The following NBAS variants were observed in gnomAD, a reference collection of about 807,000 sequenced individuals.
NBAS encodes NBAS subunit of NRZ tethering complex.
NBAS carries 219 observed loss-of-function variants against 302.5 expected under a neutral mutation model. The observed-to-expected ratio is 0.72, with a 90% CI of 0.65 to 0.81. The LOEUF (loss-of-function observed/expected upper bound fraction) is 0.81. Ranked by LOEUF, NBAS falls within the 30% of genes least tolerant of loss-of-function variation. NBAS has a pLI of 0.00. For synonymous variants in NBAS, 1,118 were observed against 1,021.6 expected (o/e 1.09, Z -1.80); for missense variants, 2,932 against 2,841.6 (o/e 1.03, Z -0.72).
chr2:14,867,267 C>T, the NBAS span, among the ~76,000 whole-genome samples: 1 of 152,138 alleles, frequency 6.6e-6, no homozygotes, highest in Non-Finnish European at 1.5e-5. Context: ...CAACACAAAA[C>T]ATTTCTCAAC....
At chr2:14,869,462 A>C in the NBAS span, among the ~76,000 whole-genome samples, 2,328 of 151,094 alleles carry the variant, frequency 0.015, 68 homozygotes, top group African/African-American at 0.054. Context: ...CACTGGCTTC[A>C]CTCCCTTCTC....
chr2:14,870,868 T>C, the NBAS span, among the ~76,000 whole-genome samples: 1 of 152,016 alleles, frequency 6.6e-6, no homozygotes, highest in Admixed American at 6.5e-5. Flanking sequence ...TATCAATATG[T>C]TCCTTATATT....
chr2:15,463,167 G>A lies in NBAS; in HGVS notation c.2098-1376C>T, dbSNP rs145349468. 1.6e-4 allele frequency among the ~76,000 whole-genome samples: 24 copies of A among 152,170 alleles called. No individual in the cohort carries two copies. The East Asian group carries it at 4.5e-3, about 28-fold the overall frequency. On this transcript the variant is annotated intron_variant, in intron 19 of 51. Coordinates refer to ENST00000281513, the MANE Select transcript of NBAS (RefSeq NM_015909.4). The stretch of plus-strand genomic sequence containing the variant: ...CATGTATCTGTAGTCCCAACTACTT[G>A]GGAGACTGAGATGGGAGGACAGCTT...
intron 47 of NBAS, among the ~76,000 whole-genome samples, chr2:15,224,913 T>C (rs1667092146): frequency 6.6e-6 from 1 of 152,234 alleles, no homozygotes; most frequent in African/African-American, 2.4e-5. Context: ...GAATGTCTTC[T>C]ATTTATCAGC....
Position 15,276,901 on chromosome 2 carries a change from T to G in NBAS, c.5339A>C (p.Lys1780Thr), listed in dbSNP as rs1669607251. Residue 1780 changes from lysine (K) to threonine (T), a missense_variant, in exon 43 of 52, where the codon AAA becomes ACA. Physicochemically the swap from Lys to Thr is moderately conservative, Grantham distance 78. Transcript: ENST00000281513. ...CAGCAGTCGAATGTGGGTTTCTGGTTTAATGGCACAGTTCCCCAAATCTGC... is the reference window on the plus strand; with the variant it reads ...CAGCAGTCGAATGTGGGTTTCTGGTGTAATGGCACAGTTCCCCAAATCTGC... ...GCADLGNCAI[K>T]PETHIRLLKK... is the part of the protein sequence containing the mutation. 1.2e-6 allele frequency: 2 copies of G among 1,614,012 alleles called. No individual in the cohort carries two copies. Among genetic ancestry groups the G allele is most frequent in the Admixed American group, 1.7e-5 (1 of 59,988 alleles).
chr2:15,161,294 T>C, the NBAS span, among the ~76,000 whole-genome samples: 1 of 152,174 alleles, frequency 6.6e-6, no homozygotes. Flanking sequence ...AGGCGCTCAG[T>C]ATAGTGCACC....
At chr2:15,386,924 G>A (rs1395543085) in intron 28 of NBAS, among the ~76,000 whole-genome samples, 2 of 151,814 alleles carry the variant, frequency 1.3e-5, no homozygotes, top group Non-Finnish European at 2.9e-5. Context: ...TATTAATTGA[G>A]TGTGTCCCCC....
Position 15,379,636 on chromosome 2 carries a change from T to C in NBAS, c.3556A>G (p.Thr1186Ala), listed in dbSNP as rs201535879. 1.2e-6 allele frequency: 2 copies of C among 1,613,962 alleles called. No homozygotes were observed. Among genetic ancestry groups the C allele is most frequent in the Admixed American group, 1.7e-5 (1 of 60,016 alleles). ...TCCATGCAGCTATCAGTGAGGTTGGTAGAAGAATTGAAGTACTCTCTGCTG... is the reference window on the plus strand; with the variant it reads ...TCCATGCAGCTATCAGTGAGGTTGGCAGAAGAATTGAAGTACTCTCTGCTG... Reference protein sequence around the residue: ...AASREYFNSSTNLTDSCMDLA... With the variant: ...AASREYFNSSANLTDSCMDLA... Residue 1186 changes from threonine to alanine, a missense_variant, in exon 30 of 52, where the codon ACC (threonine) becomes GCC (alanine). Thr to Ala is a moderately conservative substitution (Grantham distance 58). Transcript: ENST00000281513.
chr2:15,226,270 T>C (rs940587222), intron 47 of NBAS, among the ~76,000 whole-genome samples: 3 of 152,242 alleles, frequency 2.0e-5, no homozygotes, highest in African/African-American at 7.2e-5. Flanking sequence ...ATAGAGGAAT[T>C]AGATGTTCAT....
At chr2:15,204,251 C>T (rs1666035648) in intron 48 of NBAS, among the ~76,000 whole-genome samples, 1 of 151,466 alleles carries the variant, frequency 6.6e-6, no homozygotes, top group African/African-American at 2.4e-5. Context: ...AGGGTGAGAC[C>T]CTTTCAAAAA....
chr2:15,086,255 C>A, the NBAS span, among the ~76,000 whole-genome samples: 1 of 152,166 alleles, frequency 6.6e-6, no homozygotes, highest in Non-Finnish European at 1.5e-5. Flanking sequence ...GGTCTCCCCT[C>A]TGAGAGGAGC....
At chr2:15,292,848 G>C in intron 40 of NBAS, 82 bp from the exon 41 acceptor site, 1 of 1,338,886 alleles carries the variant, frequency 7.5e-7, no homozygotes, top group South Asian at 1.2e-5. Flanking sequence ...AGAAGACCAT[G>C]TCTGCAAGGA....
At chr2:15,039,928 G>A in the NBAS span, among the ~76,000 whole-genome samples, 1 of 152,214 alleles carries the variant, frequency 6.6e-6, no homozygotes, top group African/African-American at 2.4e-5. Flanking sequence ...TTAAGTGGCA[G>A]CTTAAGTCTT....
At chr2:15,156,051 G>T in the NBAS span, among the ~76,000 whole-genome samples, 1 of 152,134 alleles carries the variant, frequency 6.6e-6, no homozygotes, top group East Asian at 1.9e-4. Context: ...TCTCACTAGA[G>T]ACTTGACGGG....
intron 51 of NBAS, among the ~76,000 whole-genome samples, chr2:15,178,720 C>G (rs1664671767): frequency 6.6e-6 from 1 of 152,172 alleles, no homozygotes; most frequent in Non-Finnish European, 1.5e-5. Context: ...TAACATCCTG[C>G]TTCTGTAGAA....
chr2:15,507,938 T>C (rs903005020), intron 10 of NBAS, among the ~76,000 whole-genome samples: 3 of 152,196 alleles, frequency 2.0e-5, no homozygotes, highest in East Asian at 3.9e-4. Context: ...CTACGATGTA[T>C]GTGTCAGCAG....
intron 21 of NBAS, among the ~76,000 whole-genome samples, chr2:15,449,886 T>C (rs958498669): frequency 1.3e-5 from 2 of 152,228 alleles, no homozygotes; most frequent in Non-Finnish European, 2.9e-5. Context: ...TTTATTGTTT[T>C]TTCCTCACAG....
the NBAS span, among the ~76,000 whole-genome samples, chr2:15,057,503 T>C: frequency 6.6e-6 from 1 of 152,218 alleles, no homozygotes; most frequent in Non-Finnish European, 1.5e-5. Context: ...TAGTGGAGAT[T>C]TGTGAGATCC....
the NBAS span, among the ~76,000 whole-genome samples, chr2:14,835,109 C>T: frequency 6.6e-6 from 1 of 151,864 alleles, no homozygotes; most frequent in East Asian, 1.9e-4. Flanking sequence ...CCTAGAAGAC[C>T]AAGTCAATGA....
Sources: gnomAD v4.1 joint callset for allele counts (sites outside exome capture counted in the v4.1 genomes callset) on GRCh38, gnomAD v4.1.1 for gene constraint, MANE v1.5 for transcripts, NCBI Gene and HGNC (gene_info 2026-07-23, HGNC 2026-07-21) for gene names.